Variants in RRBP1 observed in about 807,000 individuals in gnomAD.
The protein encoded by RRBP1 is ribosome-binding protein 1.
Under a neutral mutation model 165.2 loss-of-function variants are expected in RRBP1, and 94 were observed. The observed-to-expected ratio is 0.57, with a 90% confidence interval of 0.48 to 0.68. RRBP1 has a LOEUF of 0.68. Among genes scored for constraint, RRBP1 ranks in the 30% least tolerant of loss-of-function variants. RRBP1 has a pLI of 0.00. For missense variants in RRBP1, 1,676 were observed against 1,763.0 expected, an observed-to-expected ratio of 0.95 and a Z score of 0.88; for synonymous variants, 680 against 714.5, an observed-to-expected ratio of 0.95 and a Z score of 0.77.
chr20:17,661,089 C>T (rs1419428930), intron 2 of RRBP1, among the ~76,000 whole-genome samples: 1 of 152,244 alleles, frequency 6.6e-6, no homozygotes, highest in African/African-American at 2.4e-5. Context: ...ATATGTGAAC[C>T]GAACCAAACC....
intron 2 of RRBP1, among the ~76,000 whole-genome samples, chr20:17,669,763 A>G (rs2036941247): frequency 6.6e-6 from 1 of 152,170 alleles, no homozygotes; most frequent in Non-Finnish European, 1.5e-5. Context: ...TGTTGCTGGT[A>G]TACGGAAACG....
In RRBP1 at chr20:17,616,841, T is replaced by C. The variant is rs878862183; in HGVS notation, c.3760-2A>G. ...CATTTCACTCAACTGCTGCCTGACCTGGAACAGGAAGGGGTGTGTTTGCAA... is the reference window on the plus strand; with the variant it reads ...CATTTCACTCAACTGCTGCCTGACCCGGAACAGGAAGGGGTGTGTTTGCAA... On this transcript the variant is annotated splice_acceptor_variant, in intron 20 of 24. Transcript: ENST00000377813. LOFTEE classifies it high-confidence loss of function. The C allele has an allele frequency of 6.2e-7, 1 of 1,610,206 alleles. No individual in the cohort carries two copies. The highest frequency in any genetic ancestry group is 8.5e-7 in the Non-Finnish European group (1 of 1,177,208).
At chr20:17,678,404 C>T (rs1462360003) in intron 2 of RRBP1, among the ~76,000 whole-genome samples, 2 of 152,198 alleles carry the variant, frequency 1.3e-5, no homozygotes, top group African/African-American at 4.8e-5. Flanking sequence ...TGTGTGGCCC[C>T]CCTCCCACTC....
In RRBP1 at chr20:17,659,853, C is replaced by T; in HGVS notation, c.655G>A (p.Gly219Ser). 1 of 1,551,736 alleles carries T rather than the reference C, an allele frequency of 6.4e-7. No individual in the cohort carries two copies. The highest frequency in any genetic ancestry group is 1.4e-5 in the African/African-American group (1 of 73,150). ...SKKAEGAPNQ[G>S]RKAEGTPNQG... The stretch of plus-strand genomic sequence containing the variant: ...TTTGGGGTTCCCTCTGCCTTTCTGC[C>T]CTGGTTTGGGGCTCCTTCAGCCTTT... The change falls in exon 3 of 25, where the codon GGC becomes AGC. Residue 219 changes from glycine (G) to serine (S), a missense_variant. By Grantham distance (56) the Gly-to-Ser change is moderately conservative. Transcript: ENST00000377813.
At chr20:17,642,052 A>G in intron 4 of RRBP1, 133 bp from the exon 5 acceptor site, 2 of 985,706 alleles carry the variant, frequency 2.0e-6, no homozygotes, top group South Asian at 3.2e-5. Context: ...TTCCACTGGG[A>G]CTCCAGATAC....
intron 2 of RRBP1, among the ~76,000 whole-genome samples, chr20:17,671,526 CAT>C (rs1321037572): frequency 6.6e-6 from 1 of 152,178 alleles, no homozygotes; most frequent in African/African-American, 2.4e-5. Context: ...ATGGGATCCA[CAT>C]GAGGGACAAC....
intron 2 of RRBP1, among the ~76,000 whole-genome samples, chr20:17,662,221 C>A (rs1476254647): frequency 1.3e-5 from 2 of 151,788 alleles, no homozygotes; most frequent in Non-Finnish European, 2.9e-5. Context: ...CAAGATCGCG[C>A]CACTGCACTC....
chr20:17,653,828 C>T (rs1381508138), intron 3 of RRBP1, among the ~76,000 whole-genome samples: 10 of 128,982 alleles, frequency 7.8e-5, no homozygotes, highest in Admixed American at 2.6e-4. Flanking sequence ...AGCGAGACTC[C>T]ATCTCAAAAA....
intron 3 of RRBP1, among the ~76,000 whole-genome samples, chr20:17,645,954 C>T (rs2036455329): frequency 6.6e-6 from 1 of 152,186 alleles, no homozygotes; most frequent in South Asian, 2.1e-4. Context: ...GCCAGGAGGC[C>T]TGGGGAGTGA....
In RRBP1 at chr20:17,620,778, G is replaced by A. The variant is rs750015969; in HGVS notation, c.3444C>T (p.Ser1148=). The A allele has an allele frequency of 2.1e-5, 33 of 1,608,566 alleles. No individual in the cohort carries two copies. The highest frequency in any genetic ancestry group is 2.7e-5 in the Non-Finnish European group (32 of 1,179,712). ...TCCACACCTGCTCCTCCTCCTCCACGCTCTTCTGCAGGTCTCTGAGCATGC... is the reference window on the plus strand; with the variant it reads ...TCCACACCTGCTCCTCCTCCTCCACACTCTTCTGCAGGTCTCTGAGCATGC... ...TEGMLRDLQK[S]VEEEEQVWRA... Residue 1148 remains serine, a synonymous_variant, in exon 17 of 25, where the codon AGC becomes AGT. Coordinates refer to ENST00000377813, the MANE Select transcript of RRBP1 (RefSeq NM_001365613.2).
At position 17,614,193 on chromosome 20, in the gene RRBP1, T is replaced by C. The variant is rs2035745503; in HGVS notation, c.4222A>G (p.Thr1408Ala). ...TCCAAAGAGGAAACTCAGACAGAGG[T>C]GCCCTCCTTTGAGCTGCTGCCGTCC... ...AEDGSSSKEG[T>A]SV The change falls in exon 25 of 25, where the codon ACC becomes GCC. Residue 1408 changes from threonine (T) to alanine (A), a missense_variant. By Grantham distance (58) the Thr-to-Ala change is moderately conservative. Transcript: ENST00000377813. 6.2e-7 allele frequency: 1 copy of C among 1,613,840 alleles called. No individual in the cohort carries two copies. The highest frequency in any genetic ancestry group is 8.5e-7 in the Non-Finnish European group (1 of 1,179,948).
chr20:17,623,506 A>G (rs1053425178), intron 13 of RRBP1, among the ~76,000 whole-genome samples: 6 of 152,290 alleles, frequency 3.9e-5, no homozygotes, highest in Middle Eastern at 3.4e-3. Flanking sequence ...GCACCCCAAA[A>G]GCAACCCGTG....
At chr20:17,647,000 C>T (rs1394798832) in intron 3 of RRBP1, among the ~76,000 whole-genome samples, 1 of 152,234 alleles carries the variant, frequency 6.6e-6, no homozygotes, top group Admixed American at 6.5e-5. Flanking sequence ...CCAGGAACTG[C>T]CGCCTGAGCC....
intron 2 of RRBP1, among the ~76,000 whole-genome samples, chr20:17,672,229 G>A (rs146838358): frequency 2.0e-5 from 3 of 152,302 alleles, no homozygotes; most frequent in African/African-American, 7.2e-5. Flanking sequence ...CTCTGTAGGG[G>A]AAGAGTTCTG....
intron 18 of RRBP1, 172 bp from the exon 19 acceptor site, chr20:17,619,900 G>A (rs1195364264): frequency 1.4e-5 from 8 of 561,590 alleles, no homozygotes; most frequent in South Asian, 9.1e-5. Context: ...AACCCCTTAC[G>A]GAAAGTGGCA....
At chr20:17,619,866 C>T (rs541916036) in intron 18 of RRBP1, 138 bp from the exon 19 acceptor site, 37 of 588,640 alleles carry the variant, frequency 6.3e-5, no homozygotes, top group African/African-American at 5.4e-4. Context: ...ACCAAGCAAA[C>T]GAGAAACTAG....
intron 10 of RRBP1, 56 bp downstream of exon 10, chr20:17,627,448 C>A (rs1436706846): frequency 6.2e-7 from 1 of 1,609,524 alleles, no homozygotes; most frequent in Non-Finnish European, 8.5e-7. Context: ...GGCTAGTCCA[C>A]CCACCTGCTA....
At chr20:17,656,492 C>T (rs962766301) in intron 3 of RRBP1, among the ~76,000 whole-genome samples, 1 of 152,168 alleles carries the variant, frequency 6.6e-6, no homozygotes, top group Admixed American at 6.5e-5. Flanking sequence ...GAAGACTTTT[C>T]CAAATTATGA....
intron 9 of RRBP1, among the ~76,000 whole-genome samples, chr20:17,629,288 C>G (rs2036099131): frequency 6.6e-6 from 1 of 152,240 alleles, no homozygotes; most frequent in South Asian, 2.1e-4. Context: ...CTTCAGCTCC[C>G]TTTCTCCAGG....
Sources: gnomAD v4.1 joint callset for allele counts (sites outside exome capture counted in the v4.1 genomes callset) on GRCh38, gnomAD v4.1.1 for gene constraint, MANE v1.5 for transcripts, NCBI Gene and HGNC (gene_info 2026-07-23, HGNC 2026-07-21) for gene names.